The following PCDHGA4 variants were observed in gnomAD, a reference collection of about 807,000 sequenced individuals.
PCDHGA4 encodes protocadherin gamma subfamily A, 4, also known as protocadherin gamma-A4.
A neutral mutation model predicts 54.6 loss-of-function variants in PCDHGA4; 38 were observed. The observed-to-expected ratio is 0.70, with a 90% confidence interval of 0.54 to 0.91. The LOEUF (loss-of-function observed/expected upper bound fraction) is 0.91, where lower values mean the gene tolerates loss of function less well. Ranked by LOEUF, PCDHGA4 falls within the 40% of genes least tolerant of loss-of-function variation. PCDHGA4 has a pLI of 0.00. For missense variants in PCDHGA4, 1,298 were observed against 1,220.9 expected (o/e 1.06, Z -0.94); for synonymous variants, 511 against 512.9 (o/e 1.00, Z 0.05).
At chr5:141,430,656 G>A in intron 1 of PCDHGA4, 1 of 1,092,670 alleles carries the variant, frequency 9.2e-7, no homozygotes, top group Non-Finnish European at 1.3e-6. Context: ...GGAAACAACG[G>A]AGGAGCTCTG....
At chr5:141,428,552 T>TC in intron 1 of PCDHGA4, 2 of 244,422 alleles carry the variant, frequency 8.2e-6, no homozygotes, top group African/African-American at 2.2e-5. Context: ...CCAGAAACAG[T>TC]CCCCCCACAA....
chr5:141,374,457 A>G (rs775796857), intron 1 of PCDHGA4: 1 of 1,613,430 alleles, frequency 6.2e-7, no homozygotes. Context: ...GAAATAGTGG[A>G]CATTAATGAC....
Position 141,356,702 on chromosome 5 carries a change from T to G in PCDHGA4, c.1595T>G (p.Leu532Arg). ...GAAGACACCTTCCAGGGTGCACCTCTGTCCTCCTATGTCTCCATCAACTCC... is the reference window on the plus strand; with the variant it reads ...GAAGACACCTTCCAGGGTGCACCTCGGTCCTCCTATGTCTCCATCAACTCC... Reference protein sequence around the residue: ...LAEDTFQGAPLSSYVSINSNT... With the variant: ...LAEDTFQGAPRSSYVSINSNT... Residue 532 changes from leucine to arginine, a missense_variant, in exon 1 of 4, where the codon CTG (leucine) becomes CGG (arginine). Coordinates refer to ENST00000571252, the MANE Select transcript of PCDHGA4 (RefSeq NM_018917.4). 1 of 1,614,034 alleles carries G rather than the reference T, an allele frequency of 6.2e-7. No individual in the cohort carries two copies. Among genetic ancestry groups the G allele is most frequent in the Non-Finnish European group, 8.5e-7 (1 of 1,179,898 alleles).
At chr5:141,435,994 G>T (rs1007093302) in intron 1 of PCDHGA4, among the ~76,000 whole-genome samples, 18 of 152,046 alleles carry the variant, frequency 1.2e-4, no homozygotes, top group Admixed American at 1.2e-3. Context: ...GTGATTTTTT[G>T]AAAGAAAGTA....
chr5:141,454,657 CG>C (rs1313292109), intron 1 of PCDHGA4, among the ~76,000 whole-genome samples: 1 of 152,074 alleles, frequency 6.6e-6, no homozygotes, highest in Admixed American at 6.6e-5. Flanking sequence ...CTGCCCACCT[CG>C]GCCTCCCAAA....
Position 141,476,996 on chromosome 5 carries a change from C to T in PCDHGA4, c.2515-17811C>T. The T allele has an allele frequency of 6.2e-7, 1 of 1,614,250 alleles. No homozygotes were observed. Among genetic ancestry groups the T allele is most frequent in the Non-Finnish European group, 8.5e-7 (1 of 1,180,052 alleles). On this transcript the variant is annotated intron_variant, in intron 1 of 3. Coordinates refer to ENST00000571252, the MANE Select transcript of PCDHGA4 (RefSeq NM_018917.4). The surrounding 1 kb of genome is among the most constrained non-coding windows in gnomAD (Gnocchi z 7.6). ...CCACAACCGCGCCGGCGTGCGGCAA[C>T]TATTCGCCTTAGACCTTGTAACCGG...
At chr5:141,376,154 C>T (rs1425376305) in intron 1 of PCDHGA4, 11 of 1,614,032 alleles carry the variant, frequency 6.8e-6, no homozygotes, top group Middle Eastern at 1.7e-4. Flanking sequence ...GGACCTCACT[C>T]TGTACCTGGT....
chr5:141,414,592 G>T, intron 1 of PCDHGA4: 1 of 1,613,920 alleles, frequency 6.2e-7, no homozygotes, highest in Non-Finnish European at 8.5e-7. Flanking sequence ...CGCCAGGGGT[G>T]CCTCCATCTT....
At position 141,511,424 on chromosome 5, in the gene PCDHGA4, G is replaced by A. The variant is rs939906846; in HGVS notation, c.*251G>A. 10 of 810,392 alleles carry A rather than the reference G, an allele frequency of 1.2e-5. No homozygotes were observed. Among genetic ancestry groups the A allele is most frequent in the East Asian group, 3.0e-5 (1 of 33,800 alleles). The allele number at this position is 810,392 out of a possible 1,614,324, so 50.2% of individuals were successfully genotyped here. On this transcript the variant is annotated 3_prime_UTR_variant, in exon 4 of 4. Transcript: ENST00000571252. The stretch of plus-strand genomic sequence containing the variant: ...ATCAACTGCTGTACCCATGGGGGTA[G>A]TGGGGTTACTGTAGACACCAAGAAC...
At position 141,490,646 on chromosome 5, in the gene PCDHGA4, C is replaced by G. The variant is rs202183643; in HGVS notation, c.2515-4161C>G. The G allele has an allele frequency of 8.7e-6, 14 of 1,614,068 alleles. No homozygotes were observed. In the African/African-American group the frequency reaches 1.7e-4, roughly 20 times the overall value. ...GCTTACATCCTAGAAAACCGGCCTC[C>G]GGGCTCCCTTCTTTGCACTGTGGCT... On this transcript the variant is annotated intron_variant, in intron 1 of 3. Coordinates refer to ENST00000571252, the MANE Select transcript of PCDHGA4 (RefSeq NM_018917.4). This position sits in a 1 kb window ranked among gnomAD's most constrained non-coding sequence, Gnocchi z 5.4.
chr5:141,409,034 A>C, intron 1 of PCDHGA4: 1 of 1,613,992 alleles, frequency 6.2e-7, no homozygotes, highest in Non-Finnish European at 8.5e-7. Context: ...TGCTGAGATA[A>C]ACTACTACTT....
chr5:141,452,584 T>C (rs992607928), intron 1 of PCDHGA4, among the ~76,000 whole-genome samples: 1 of 152,182 alleles, frequency 6.6e-6, no homozygotes, highest in Non-Finnish European at 1.5e-5. Context: ...TTTCCATCTT[T>C]GTATTTTTAT....
In PCDHGA4 at chr5:141,485,318, G is replaced by A. The variant is rs1318256454; in HGVS notation, c.2515-9489G>A. On this transcript the variant is annotated intron_variant, in intron 1 of 3. Transcript: ENST00000571252. The surrounding 1 kb of genome is among the most constrained non-coding windows in gnomAD (Gnocchi z 5.7). ...GGAAGGGACTTTTGTAGGGAATGTC[G>A]CTCAAGATTTCCTGCTGGATACGGA... 3 of 1,614,142 alleles carry A rather than the reference G, an allele frequency of 1.9e-6. No homozygotes were observed. The highest frequency in any genetic ancestry group is 2.5e-6 in the Non-Finnish European group (3 of 1,180,006).
In PCDHGA4 at chr5:141,433,032, C is replaced by T. The variant is rs751061646; in HGVS notation, c.2515-61775C>T. The T allele has an allele frequency of 2.5e-6, 4 of 1,614,188 alleles. No homozygotes were observed. Among genetic ancestry groups the T allele is most frequent in the African/African-American group, 2.7e-5 (2 of 75,058 alleles). On this transcript the variant is annotated intron_variant, in intron 1 of 3. Transcript: ENST00000571252. ...CTGCAGACCTATTCCCACGAGGTTTCCCTCACCACGGACTCGCGGAAGAGT... is the reference window on the plus strand; with the variant it reads ...CTGCAGACCTATTCCCACGAGGTTTTCCTCACCACGGACTCGCGGAAGAGT...
At chr5:141,387,844 G>A in intron 1 of PCDHGA4, 1 of 1,597,594 alleles carries the variant, frequency 6.3e-7, no homozygotes, top group South Asian at 1.1e-5. Flanking sequence ...TTGTAACCCG[G>A]CGTCTCCAGG....
chr5:141,474,772 G>A (rs1053853138), intron 1 of PCDHGA4, among the ~76,000 whole-genome samples: 2 of 152,182 alleles, frequency 1.3e-5, no homozygotes, highest in Non-Finnish European at 2.9e-5. Flanking sequence ...AATAGTATGA[G>A]GCTCTAACAC....
At chr5:141,402,910 G>A in intron 1 of PCDHGA4, 2 of 1,549,722 alleles carry the variant, frequency 1.3e-6, no homozygotes, top group Non-Finnish European at 1.7e-6. Context: ...ATGAAGCAGC[G>A]CGCACAGAGA....
At chr5:141,421,651 A>C in intron 1 of PCDHGA4, 1 of 1,613,868 alleles carries the variant, frequency 6.2e-7, no homozygotes, top group Non-Finnish European at 8.5e-7. Flanking sequence ...AGTGGAGATA[A>C]AAGTCAGTGA....
chr5:141,478,186 C>T, intron 1 of PCDHGA4: 2 of 1,614,016 alleles, frequency 1.2e-6, no homozygotes, highest in Non-Finnish European at 1.7e-6. Context: ...AAAAAAATCT[C>T]ACCTTTTATC....
Sources: allele counts gnomAD v4.1 joint callset (sites outside exome capture counted in the v4.1 genomes callset), GRCh38; gene constraint gnomAD v4.1.1; non-coding constraint Gnocchi (gnomAD v3.1); transcripts MANE v1.5; gene names NCBI Gene and HGNC (gene_info 2026-07-23, HGNC 2026-07-21).